The following WWOX variants were observed in gnomAD, a reference collection of about 807,000 sequenced individuals.
WWOX encodes WW domain-containing oxidoreductase.
In WWOX, 69 loss-of-function variants were observed where a neutral mutation model predicts 46.2. That is an observed-to-expected ratio of 1.49 (90% CI 1.23 to 1.82). The LOEUF is 1.82. WWOX is among the 40% of genes most tolerant of loss of function. WWOX has a pLI of 0.00. For missense variants in WWOX, 919 were observed against 542.6 expected (o/e 1.69, Z -6.89); for synonymous variants, 359 against 202.6 (o/e 1.77, Z -6.56).
intron 8 of WWOX, among the ~76,000 whole-genome samples, chr16:78,916,372 A>G (rs566486231): frequency 2.0e-5 from 3 of 152,320 alleles, no homozygotes; most frequent in South Asian, 2.1e-4. Flanking sequence ...CTGTAAAGCT[A>G]TGATTAATCC....
At chr16:78,115,607 A>G (rs562950701) in intron 4 of WWOX, among the ~76,000 whole-genome samples, 1 of 152,256 alleles carries the variant, frequency 6.6e-6, no homozygotes, top group East Asian at 1.9e-4. Flanking sequence ...TGGGCACAGG[A>G]TCTTATTTCT....
intron 8 of WWOX, among the ~76,000 whole-genome samples, chr16:78,457,480 A>G (rs940543817): frequency 2.0e-5 from 3 of 152,188 alleles, no homozygotes; most frequent in African/African-American, 7.2e-5. Flanking sequence ...TGGAAATAGA[A>G]AAACTGTTGA....
At position 78,498,665 on chromosome 16, in the gene WWOX, G is replaced by A. The variant is rs187752157; in HGVS notation, c.1056+65913G>A. On this transcript the variant is annotated intron_variant, in intron 8 of 8. Transcript: ENST00000566780. ...ACTAATTCTGTAAAGGAGAGCAGCG[G>A]CATTTACTTAGGCCGATTCCCCATT... 2.6e-5 allele frequency among the ~76,000 whole-genome samples: 4 copies of A among 152,282 alleles called. No homozygotes were observed. In the East Asian group the frequency reaches 5.8e-4, roughly 22 times the overall value.
intron 8 of WWOX, among the ~76,000 whole-genome samples, chr16:78,794,439 A>T (rs1658644826): frequency 6.6e-6 from 1 of 152,258 alleles, no homozygotes; most frequent in African/African-American, 2.4e-5. Flanking sequence ...TTATTTTGTC[A>T]TAAAAGCCCC....
At chr16:78,627,612 A>G (rs1191454510) in intron 8 of WWOX, among the ~76,000 whole-genome samples, 1 of 152,222 alleles carries the variant, frequency 6.6e-6, no homozygotes. Flanking sequence ...GAAAAACTGG[A>G]CACATAAATA....
chr16:78,536,920 T>C (rs2043772614), intron 8 of WWOX, among the ~76,000 whole-genome samples: 1 of 143,542 alleles, frequency 7.0e-6, no homozygotes, highest in Non-Finnish European at 1.5e-5. Flanking sequence ...TTTTTTTTTT[T>C]TCCTCCTTTT....
chr16:78,549,698 T>A (rs938215089), intron 8 of WWOX, among the ~76,000 whole-genome samples: 2 of 152,106 alleles, frequency 1.3e-5, no homozygotes, highest in Non-Finnish European at 2.9e-5. Context: ...ATTAGCAAAA[T>A]CACTACATAT....
chr16:78,125,185 CAT>C (rs1428589046), intron 4 of WWOX, among the ~76,000 whole-genome samples: 3 of 152,106 alleles, frequency 2.0e-5, no homozygotes, highest in Non-Finnish European at 4.4e-5. Flanking sequence ...CCGTACTTGT[CAT>C]ATTTAATTCT....
chr16:78,398,090 T>C (rs547777959), intron 6 of WWOX, among the ~76,000 whole-genome samples: 1 of 152,226 alleles, frequency 6.6e-6, no homozygotes, highest in Non-Finnish European at 1.5e-5. Context: ...GCTTATCAAG[T>C]AGACAGAAGA....
chr16:78,949,964 T>C (rs1197291562), intron 8 of WWOX, among the ~76,000 whole-genome samples: 2 of 152,200 alleles, frequency 1.3e-5, no homozygotes, highest in South Asian at 4.1e-4. Context: ...TCATGCATTA[T>C]TTAACCTAGC....
chr16:78,825,082 C>T (rs1350664121), intron 8 of WWOX, among the ~76,000 whole-genome samples: 3 of 152,114 alleles, frequency 2.0e-5, no homozygotes, highest in African/African-American at 7.2e-5. Context: ...ATGAACAACT[C>T]CACTTCATAA....
intron 5 of WWOX, among the ~76,000 whole-genome samples, chr16:78,256,692 A>G (rs1346641099): frequency 1.3e-5 from 2 of 152,110 alleles, no homozygotes; most frequent in Admixed American, 1.3e-4. Flanking sequence ...CATTTAGTGA[A>G]TACTTGTTGA....
intron 8 of WWOX, among the ~76,000 whole-genome samples, chr16:78,967,890 C>T (rs142763457): frequency 1.1e-4 from 16 of 152,162 alleles, no homozygotes; most frequent in South Asian, 2.1e-4. Context: ...TCAGTAGCTG[C>T]AGGAGGAGGA....
intron 5 of WWOX, among the ~76,000 whole-genome samples, chr16:78,370,495 GTTTTTT>G (rs66577179): frequency 6.6e-6 from 1 of 151,528 alleles, no homozygotes; most frequent in Admixed American, 6.6e-5. Flanking sequence ...TATCTACGAT[GTTTTTT>G]TTTTTGATTT....
chr16:79,126,678 A>C (rs1023119308), intron 8 of WWOX, among the ~76,000 whole-genome samples: 1 of 152,208 alleles, frequency 6.6e-6, no homozygotes, highest in African/African-American at 2.4e-5. Context: ...ACAGACTAAT[A>C]CAGCAAGGGA....
chr16:78,104,355 G>A (rs1476497999), intron 1 of WWOX, among the ~76,000 whole-genome samples: 1 of 131,636 alleles, frequency 7.6e-6, no homozygotes, highest in South Asian at 2.4e-4. Context: ...ACGCATGCAC[G>A]CACATACACA....
intron 8 of WWOX, among the ~76,000 whole-genome samples, chr16:79,080,567 A>G (rs1040832648): frequency 1.1e-4 from 17 of 152,210 alleles, no homozygotes; most frequent in African/African-American, 3.9e-4. Flanking sequence ...CAGATTGTCT[A>G]ACACTGAATC....
At chr16:78,989,189 G>A (rs142550576) in intron 8 of WWOX, among the ~76,000 whole-genome samples, 1 of 152,192 alleles carries the variant, frequency 6.6e-6, no homozygotes, top group East Asian at 1.9e-4. Context: ...TGAGTAATTG[G>A]GAATAGTGTT....
At chr16:78,421,072 C>T (rs1347374727) in intron 6 of WWOX, among the ~76,000 whole-genome samples, 1 of 152,064 alleles carries the variant, frequency 6.6e-6, no homozygotes, top group Non-Finnish European at 1.5e-5. Context: ...GTTGACATGT[C>T]ATTATGGATT....
Sources: gnomAD v4.1 joint callset for allele counts (sites outside exome capture counted in the v4.1 genomes callset) on GRCh38, gnomAD v4.1.1 for gene constraint, MANE v1.5 for transcripts, NCBI Gene and HGNC (gene_info 2026-07-23, HGNC 2026-07-21) for gene names.